The following OPRM1 variants were observed in gnomAD, a reference collection of about 807,000 sequenced individuals.
The protein encoded by OPRM1 is mu-type opioid receptor.
In OPRM1, 27 loss-of-function variants were observed where a neutral mutation model predicts 31.8. The ratio of observed to expected loss-of-function variants is 0.85; its 90% CI spans 0.63 to 1.17. The LOEUF (loss-of-function observed/expected upper bound fraction) is 1.17. Among genes scored for constraint, OPRM1 ranks in the 50% most tolerant of loss-of-function variants. The pLI is 0.00. For missense variants in OPRM1, 536 were observed against 511.1 expected, an observed-to-expected ratio of 1.05 and a Z score of -0.47; for synonymous variants, 196 against 189.9, an observed-to-expected ratio of 1.03 and a Z score of -0.26.
chr6:154,242,451 A>G (rs566530763), intron 3 of OPRM1, among the ~76,000 whole-genome samples: 51 of 152,230 alleles, frequency 3.4e-4, no homozygotes, highest in Non-Finnish European at 6.5e-4. Flanking sequence ...ATTAAGAACT[A>G]TTAATTGAGA....
At chr6:154,045,780 C>T (rs1365665441) in intron 1 of OPRM1, among the ~76,000 whole-genome samples, 1 of 152,220 alleles carries the variant, frequency 6.6e-6, no homozygotes, top group Non-Finnish European at 1.5e-5. Flanking sequence ...CAGCCTGGCA[C>T]TCACAAAGGC....
chr6:154,215,159 T>C (rs1778286698), intron 3 of OPRM1, among the ~76,000 whole-genome samples: 1 of 152,166 alleles, frequency 6.6e-6, no homozygotes, highest in African/African-American at 2.4e-5. Flanking sequence ...CCATGGGCAA[T>C]GAACAAGCCA....
At chr6:154,065,698 A>G (rs1404827312) in intron 1 of OPRM1, among the ~76,000 whole-genome samples, 1 of 152,000 alleles carries the variant, frequency 6.6e-6, no homozygotes, top group Non-Finnish European at 1.5e-5. Context: ...TTATAAGATT[A>G]TGTCATCTGC....
intron 3 of OPRM1, among the ~76,000 whole-genome samples, chr6:154,112,092 C>G (rs553423433): frequency 4.6e-5 from 7 of 152,114 alleles, no homozygotes; most frequent in East Asian, 1.9e-4. Context: ...AAATTGTTGA[C>G]AAAAATAGAA....
At position 154,090,248 on chromosome 6, in the gene OPRM1, G is replaced by T. The variant is rs867547491; in HGVS notation, c.643+70G>T. 101 of 1,040,888 alleles carry T rather than the reference G, an allele frequency of 9.7e-5. No individual in the cohort carries two copies. The Middle Eastern group carries it at 7.5e-3, about 77-fold the overall frequency. 64.5% of individuals were successfully genotyped at this position (1,040,888 alleles called of 1,614,324 possible). A position where few individuals can be genotyped will look rare whatever the true frequency, so the allele number is the denominator to read the frequency against. On this transcript the variant is annotated intron_variant, in intron 2 of 3. Coordinates refer to ENST00000330432, the MANE Select transcript of OPRM1 (RefSeq NM_000914.5). The stretch of plus-strand genomic sequence containing the variant: ...ATATGTTGGTGATGTCATAAGCAAA[G>T]CAGTATTTATGGAGTGCCCCATTGT...
intron 3 of OPRM1, among the ~76,000 whole-genome samples, chr6:154,116,741 C>T (rs552300084): frequency 4.6e-5 from 7 of 152,188 alleles, no homozygotes; most frequent in Non-Finnish European, 8.8e-5. Flanking sequence ...GTATAAGGTC[C>T]CACATGAGAC....
chr6:154,200,633 A>C (rs1776989754), intron 3 of OPRM1, among the ~76,000 whole-genome samples: 2 of 152,148 alleles, frequency 1.3e-5, no homozygotes, highest in Admixed American at 6.5e-5. Context: ...AGGCAGGAGA[A>C]TCACTTGAAC....
At chr6:154,032,721 C>T (rs1779082570) in intron 1 of OPRM1, among the ~76,000 whole-genome samples, 1 of 152,208 alleles carries the variant, frequency 6.6e-6, no homozygotes. Flanking sequence ...CATGAGCCAC[C>T]TCACCCAGTC....
At chr6:154,112,783 G>A (rs1796486630) in intron 3 of OPRM1, among the ~76,000 whole-genome samples, 1 of 152,096 alleles carries the variant, frequency 6.6e-6, no homozygotes, top group Non-Finnish European at 1.5e-5. Flanking sequence ...CACCCTATCA[G>A]CAACTTGAAT....
At chr6:154,093,073 G>A (rs1055676395) in intron 3 of OPRM1, among the ~76,000 whole-genome samples, 1 of 152,166 alleles carries the variant, frequency 6.6e-6, no homozygotes. Flanking sequence ...CTATTCAGTG[G>A]CTGCTAGAAT....
At chr6:154,044,805 G>A (rs922350911) in intron 1 of OPRM1, among the ~76,000 whole-genome samples, 11 of 152,116 alleles carry the variant, frequency 7.2e-5, no homozygotes, top group South Asian at 4.1e-4. Flanking sequence ...ACATATAAAA[G>A]TTGAAAATAT....
chr6:154,112,764 C>T (rs144693398), intron 3 of OPRM1, among the ~76,000 whole-genome samples: 10 of 152,270 alleles, frequency 6.6e-5, no homozygotes, highest in Non-Finnish European at 1.3e-4. Context: ...AATTTTTATA[C>T]GATTATGCCA....
At chr6:154,106,788 A>C (rs1468747812) in intron 3 of OPRM1, among the ~76,000 whole-genome samples, 1 of 152,218 alleles carries the variant, frequency 6.6e-6, no homozygotes, top group East Asian at 1.9e-4. Flanking sequence ...CTAGAATTTA[A>C]TGGCTTTAGG....
rs768922637 is a variant in OPRM1, at chr6:154,137,978, T to C, written c.1164+46506T>C. On this transcript the variant is annotated intron_variant, in intron 3 of 3. Coordinates refer to the OPRM1 transcript ENST00000337049. ...ATTTGTTTCCAACTAACATGGGGCA[T>C]AATGCTGAGCATTGGAAATAGAGAT... Among the ~76,000 whole-genome samples, 98 of 152,346 alleles carry C rather than the reference T, an allele frequency of 6.4e-4. 1 individual carries two copies. Among genetic ancestry groups the C allele is most frequent in the Non-Finnish European group, 2.2e-4 (15 of 68,036 alleles).
At chr6:154,025,710 G>A (rs1245551643) in intron 1 of OPRM1, among the ~76,000 whole-genome samples, 2 of 151,756 alleles carry the variant, frequency 1.3e-5, no homozygotes, top group African/African-American at 2.4e-5. Flanking sequence ...TTGGGGAGGG[G>A]TTATGTTACC....
intron 1 of OPRM1, among the ~76,000 whole-genome samples, chr6:154,067,602 T>C (rs147464598): frequency 3.3e-5 from 5 of 152,066 alleles, no homozygotes; most frequent in African/African-American, 2.4e-5. Context: ...AAATGTTCCA[T>C]GTGCATGTAA....
At chr6:154,078,481 T>C (rs978721700) in intron 1 of OPRM1, among the ~76,000 whole-genome samples, 2 of 152,222 alleles carry the variant, frequency 1.3e-5, no homozygotes, top group South Asian at 2.1e-4. Context: ...AATTCCATTA[T>C]AGAATTTTGA....
At chr6:154,230,886 TA>T (rs1779663421) in intron 3 of OPRM1, among the ~76,000 whole-genome samples, 2 of 152,206 alleles carry the variant, frequency 1.3e-5, no homozygotes, top group African/African-American at 2.4e-5. Flanking sequence ...AAAAAACAGC[TA>T]AAAAAATTTC....
intron 1 of OPRM1, among the ~76,000 whole-genome samples, chr6:154,067,940 G>A (rs966354433): frequency 6.6e-6 from 1 of 151,820 alleles, no homozygotes; most frequent in African/African-American, 2.4e-5. Flanking sequence ...AATTATTTTT[G>A]CAATAATACT....
Sources: allele counts gnomAD v4.1 joint callset (sites outside exome capture counted in the v4.1 genomes callset), GRCh38; gene constraint gnomAD v4.1.1; transcripts MANE v1.5; gene names NCBI Gene and HGNC (gene_info 2026-07-23, HGNC 2026-07-21).